CEP112: variants seen among roughly 807,000 people sequenced by gnomAD.
CEP112 encodes centrosomal protein of 112 kDa.
Under a neutral mutation model 153.0 loss-of-function variants are expected in CEP112, and 127 were observed. The observed-to-expected ratio is 0.83, with a 90% CI of 0.72 to 0.96. The LOEUF is 0.96. Among genes scored for constraint, CEP112 ranks in the 40% least tolerant of loss-of-function variants. The pLI, the probability that CEP112 is intolerant of heterozygous loss-of-function variation, is 0.00. For missense variants in CEP112, 1,089 were observed against 1,101.2 expected (o/e 0.99, Z 0.16); for synonymous variants, 358 against 374.4 (o/e 0.96, Z 0.51).
intron 23 of CEP112, among the ~76,000 whole-genome samples, chr17:65,690,113 C>CAAAAAAAAAAAAAAAAAAAAAAAAAA (rs67399289): frequency 1.6e-5 from 1 of 62,584 alleles, no homozygotes; most frequent in African/African-American, 6.1e-5. Context: ...GAAAACAGAC[C>CAAAAAAAAAAAAAAAAAAAAAAAAAA]AAAAAAAAAA....
chr17:65,798,017 C>T (rs966237381), intron 21 of CEP112, among the ~76,000 whole-genome samples: 6 of 151,990 alleles, frequency 3.9e-5, no homozygotes, highest in Admixed American at 3.9e-4. Flanking sequence ...TTGCATAGCG[C>T]CCCCTGGAGA....
At position 65,937,892 on chromosome 17, in the gene CEP112, C is replaced by T. The variant is rs1455755803; in HGVS notation, c.1873-10203G>A. ...CTGGGAAGTGAGGAGCCCCTCTGCC[C>T]GGCCACCACCCCATCTGGGAGGTGT... On this transcript the variant is annotated intron_variant, in intron 18 of 26. Coordinates refer to ENST00000535342, the MANE Select transcript of CEP112 (RefSeq NM_001199165.4). 1.5e-4 allele frequency among the ~76,000 whole-genome samples: 17 copies of T among 117,200 alleles called. 1 individual carries two copies. The East Asian group carries it at 2.0e-3, about 14-fold the overall frequency. 76.9% of individuals were successfully genotyped at this position (117,200 alleles called of 152,430 possible).
intron 19 of CEP112, among the ~76,000 whole-genome samples, chr17:65,920,220 C>G (rs538087098): frequency 6.6e-6 from 1 of 150,568 alleles, no homozygotes; most frequent in Non-Finnish European, 1.5e-5. Context: ...TGGCGTACCA[C>G]GTGTAATCCC....
At chr17:65,744,235 T>TTTTGTTTG (rs71160503) in intron 22 of CEP112, among the ~76,000 whole-genome samples, 2,003 of 149,536 alleles carry the variant, frequency 0.013, 20 homozygotes, top group Non-Finnish European at 0.019. Flanking sequence ...TTTTTGTGTT[T>TTTTGTTTG]TTTGTTTGTT....
At chr17:65,685,787 C>T (rs1482317580) in intron 24 of CEP112, among the ~76,000 whole-genome samples, 1 of 151,648 alleles carries the variant, frequency 6.6e-6, no homozygotes, top group Non-Finnish European at 1.5e-5. Context: ...ATTCTCCTGC[C>T]TCAGCCTCCC....
At chr17:65,870,066 AAAG>A (rs2058614413) in intron 20 of CEP112, among the ~76,000 whole-genome samples, 2 of 14,894 alleles carry the variant, frequency 1.3e-4, no homozygotes, top group Non-Finnish European at 2.4e-4. Context: ...AGAAAGAAAG[AAAG>A]AAAGAAAGAA....
At chr17:66,069,674 G>A (rs1275324170) in intron 9 of CEP112, among the ~76,000 whole-genome samples, 1 of 152,064 alleles carries the variant, frequency 6.6e-6, no homozygotes, top group Non-Finnish European at 1.5e-5. Context: ...GTTAAAGAAG[G>A]ACTAAAAGGT....
At chr17:66,172,475 C>T (rs1036462792) in intron 4 of CEP112, among the ~76,000 whole-genome samples, 1 of 152,154 alleles carries the variant, frequency 6.6e-6, no homozygotes, top group Non-Finnish European at 1.5e-5. Flanking sequence ...ATGCCTCATA[C>T]TCTAGCAATC....
In CEP112 at chr17:66,175,191, G is replaced by T. The variant is rs761158566; in HGVS notation, c.323C>A (p.Pro108Gln). The change falls in exon 4 of 27, where the codon CCA becomes CAA. Residue 108 changes from proline to glutamine, a missense_variant. Pro to Gln is a moderately conservative substitution (Grantham distance 76, BLOSUM62 -1). Coordinates refer to ENST00000535342, the MANE Select transcript of CEP112 (RefSeq NM_001199165.4). ...TGGGCTTGAACCTTTTGCTCGTGCT[G>T]GATTTGGTTCATCAAAATAGATGGA... ...YMSIYFDEPNPARAKGSSPEG... is the reference protein window; with the variant it reads ...YMSIYFDEPNQARAKGSSPEG... 1 of 1,592,814 alleles carries T rather than the reference G, an allele frequency of 6.3e-7. No homozygotes were observed. Among genetic ancestry groups the T allele is most frequent in the Admixed American group, 1.8e-5 (1 of 55,456 alleles).
intron 24 of CEP112, among the ~76,000 whole-genome samples, chr17:65,650,223 C>T (rs538987109): frequency 8.5e-5 from 13 of 152,244 alleles, no homozygotes; most frequent in African/African-American, 3.1e-4. Context: ...GTTGGGGGCC[C>T]CTGCTCTGTG....
chr17:65,868,536 T>C (rs1010871944), intron 20 of CEP112, among the ~76,000 whole-genome samples: 3 of 151,454 alleles, frequency 2.0e-5, no homozygotes, highest in Non-Finnish European at 4.4e-5. Context: ...GAAAGAAATA[T>C]GCATTTTGAG....
At position 65,916,124 on chromosome 17, in the gene CEP112, C is replaced by T. The variant is rs566236358; in HGVS notation, c.1980+11458G>A. Among the ~76,000 whole-genome samples the T allele has an allele frequency of 3.3e-5, 5 of 152,300 alleles. No homozygotes were observed. The South Asian group carries it at 1.0e-3, about 32-fold the overall frequency. ...TCACTAACAATCTTATCTACAATAA[C>T]ACCTTGTATAAAATAATAACCATTT... On this transcript the variant is annotated intron_variant, in intron 19 of 26. Coordinates refer to ENST00000535342, the MANE Select transcript of CEP112 (RefSeq NM_001199165.4).
intron 6 of CEP112, among the ~76,000 whole-genome samples, chr17:66,128,800 C>A (rs757514145): frequency 5.9e-5 from 9 of 152,140 alleles, no homozygotes; most frequent in East Asian, 3.9e-4. Flanking sequence ...CATTCACAGT[C>A]ATTTATATAG....
chr17:65,842,763 A>G (rs546743055), intron 21 of CEP112, among the ~76,000 whole-genome samples: 1 of 152,152 alleles, frequency 6.6e-6, no homozygotes, highest in Non-Finnish European at 1.5e-5. Context: ...AGGAACATCA[A>G]TTTCTTCTTG....
intron 21 of CEP112, among the ~76,000 whole-genome samples, chr17:65,766,986 G>A (rs1028509019): frequency 5.3e-5 from 8 of 151,230 alleles, no homozygotes; most frequent in Non-Finnish European, 1.0e-4. Flanking sequence ...ACAACAGACC[G>A]ATAATGAGAC....
intron 24 of CEP112, among the ~76,000 whole-genome samples, chr17:65,673,321 C>A (rs1397355925): frequency 6.6e-6 from 1 of 152,158 alleles, no homozygotes. Context: ...TCAAATCTCT[C>A]TAGCCCCCCC....
chr17:65,878,823 G>C (rs2058945732), intron 20 of CEP112, among the ~76,000 whole-genome samples: 1 of 149,314 alleles, frequency 6.7e-6, no homozygotes, highest in African/African-American at 2.4e-5. Flanking sequence ...AAAAACAGAA[G>C]GCTCTTCCCT....
intron 6 of CEP112, among the ~76,000 whole-genome samples, chr17:66,099,246 G>T (rs938181938): frequency 6.6e-6 from 1 of 152,160 alleles, no homozygotes; most frequent in African/African-American, 2.4e-5. Context: ...GCTCTTGCCT[G>T]TAATCCCAGC....
chr17:65,877,965 A>C (rs999072218), intron 20 of CEP112, among the ~76,000 whole-genome samples: 1 of 152,206 alleles, frequency 6.6e-6, no homozygotes, highest in African/African-American at 2.4e-5. Flanking sequence ...ATATGATGCC[A>C]CTTATATGTG....
Sources: allele counts gnomAD v4.1 joint callset (sites outside exome capture counted in the v4.1 genomes callset), GRCh38; gene constraint gnomAD v4.1.1; transcripts MANE v1.5; gene names NCBI Gene and HGNC (gene_info 2026-07-23, HGNC 2026-07-21).